BLTP1: variants seen among roughly 807,000 people sequenced by gnomAD.
BLTP1 encodes the protein fragile site-associated protein.
At chr4:122,170,544 T>G in the BLTP1 span, 1 of 1,401,890 alleles carries the variant, frequency 7.1e-7, no homozygotes. Context: ...TTCACCCTTT[T>G]TTTCCCTTAA....
the BLTP1 span, chr4:122,186,163 G>A: frequency 9.3e-6 from 15 of 1,612,336 alleles, no homozygotes; most frequent in Non-Finnish European, 1.3e-5. Flanking sequence ...TTCCACCTAA[G>A]AAAGATGATG....
chr4:122,230,032 G>A, the BLTP1 span: 1 of 1,614,014 alleles, frequency 6.2e-7, no homozygotes, highest in African/African-American at 1.3e-5. Flanking sequence ...AGTACATTGA[G>A]CAATTAAATA....
the BLTP1 span, chr4:122,235,096 G>C: frequency 7.8e-7 from 1 of 1,286,182 alleles, no homozygotes; most frequent in Non-Finnish European, 1.1e-6. Context: ...GAGAAATTCA[G>C]TGTTAACTCT....
chr4:122,209,934 T>G, the BLTP1 span: 1 of 1,610,604 alleles, frequency 6.2e-7, no homozygotes, highest in Non-Finnish European at 8.5e-7. Context: ...TGTAAGTGTT[T>G]TTATATAATT....
At chr4:122,296,178 C>T in the BLTP1 span, among the ~76,000 whole-genome samples, 1 of 152,110 alleles carries the variant, frequency 6.6e-6, no homozygotes, top group African/African-American at 2.4e-5. Context: ...TTTGGAAAAC[C>T]CCATCATCTC....
the BLTP1 span, among the ~76,000 whole-genome samples, chr4:122,283,134 A>C: frequency 6.6e-6 from 1 of 152,136 alleles, no homozygotes; most frequent in Non-Finnish European, 1.5e-5. Flanking sequence ...TAGGATAATA[A>C]AAATATTTTG....
At chr4:122,255,279 C>G in the BLTP1 span, 1 of 1,587,570 alleles carries the variant, frequency 6.3e-7, no homozygotes, top group Non-Finnish European at 8.6e-7. Context: ...GATGATGCTA[C>G]AATGGTAAGT....
At chr4:122,301,420 T>C in the BLTP1 span, 2 of 1,413,248 alleles carry the variant, frequency 1.4e-6, no homozygotes, top group Non-Finnish European at 1.9e-6. Flanking sequence ...TAATGATACT[T>C]TTATAAAAAT....
At chr4:122,238,450 T>A in the BLTP1 span, 7 of 882,284 alleles carry the variant, frequency 7.9e-6, no homozygotes, top group Non-Finnish European at 1.2e-5. Flanking sequence ...TCCCCCACTT[T>A]AGAAAATTGT....
the BLTP1 span, chr4:122,224,753 T>A: frequency 6.2e-7 from 1 of 1,609,410 alleles, no homozygotes; most frequent in Non-Finnish European, 8.5e-7. Context: ...GAATAACTTG[T>A]ATGCCTGTTT....
At chr4:122,341,736 G>A in the BLTP1 span, 4 of 985,220 alleles carry the variant, frequency 4.1e-6, no homozygotes, top group Non-Finnish European at 3.6e-6. Flanking sequence ...GTCAGTGCTA[G>A]GGCATAGTAA....
chr4:122,187,098 A>G, the BLTP1 span: 1 of 984,384 alleles, frequency 1.0e-6, no homozygotes, highest in South Asian at 4.7e-5. Flanking sequence ...GTCTTATAAA[A>G]TGTCGTATAG....
the BLTP1 span, chr4:122,315,426 G>C: frequency 2.5e-6 from 4 of 1,612,746 alleles, no homozygotes; most frequent in Non-Finnish European, 3.4e-6. Context: ...TCTATACCCA[G>C]GACTTAACAA....
chr4:122,239,697 G>A, the BLTP1 span: 2 of 1,614,144 alleles, frequency 1.2e-6, no homozygotes, highest in Non-Finnish European at 1.7e-6. Context: ...AACAGTTGGA[G>A]TCCAGTTTAG....
At chr4:122,354,914 C>A in the BLTP1 span, among the ~76,000 whole-genome samples, 1 of 152,092 alleles carries the variant, frequency 6.6e-6, no homozygotes, top group Non-Finnish European at 1.5e-5. Flanking sequence ...ATACACCCGC[C>A]TCAGCCTCCC....
chr4:122,298,037 C>A, the BLTP1 span: 2 of 403,482 alleles, frequency 5.0e-6, no homozygotes, highest in Non-Finnish European at 6.7e-6. Context: ...ATGTGCATAT[C>A]CTACAGAACT....
At chr4:122,353,279 A>G in the BLTP1 span, 2 of 1,443,834 alleles carry the variant, frequency 1.4e-6, no homozygotes, top group East Asian at 2.4e-5. The surrounding 1 kb of genome is among the most constrained non-coding windows in gnomAD (Gnocchi z 4.3). Flanking sequence ...GGAGTTCACT[A>G]CCAATAAGTC....
chr4:122,215,722 C>G, the BLTP1 span, among the ~76,000 whole-genome samples: 246 of 152,182 alleles, frequency 1.6e-3, no homozygotes, highest in Middle Eastern at 3.4e-3. Flanking sequence ...TTTTGGGGAA[C>G]AGGTAGTTTT....
At chr4:122,180,509 A>G in the BLTP1 span, among the ~76,000 whole-genome samples, 4,308 of 152,246 alleles carry the variant, frequency 0.028, 138 homozygotes, top group African/African-American at 0.08. Context: ...AATCCTCACA[A>G]CAACTCTAGT....
Sources: allele counts gnomAD v4.1 joint callset (sites outside exome capture counted in the v4.1 genomes callset), GRCh38; gene constraint gnomAD v4.1.1; non-coding constraint Gnocchi (gnomAD v3.1); transcripts MANE v1.5; gene names NCBI Gene and HGNC (gene_info 2026-07-23, HGNC 2026-07-21).